Variants in MDN1 observed in about 807,000 individuals in gnomAD.
MDN1 encodes the protein midasin AAA ATPase 1, also known as midasin.
MDN1 carries 266 observed loss-of-function variants against 669.2 expected under a neutral mutation model. The observed-to-expected ratio is 0.40, with a 90% CI of 0.36 to 0.44. The LOEUF is 0.44. Among genes scored for constraint, MDN1 ranks in the 20% least tolerant of loss-of-function variants. MDN1 has a pLI of 1.00. For synonymous variants in MDN1, 2,385 were observed against 2,457.1 expected (o/e 0.97, Z 0.87); for missense variants, 5,940 against 6,754.0 (o/e 0.88, Z 4.22).
At chr6:89,813,443 T>C (rs1768585239) in intron 1 of MDN1, among the ~76,000 whole-genome samples, 1 of 149,252 alleles carries the variant, frequency 6.7e-6, no homozygotes. Flanking sequence ...CCCAGCTACT[T>C]GGGAGGCTGA....
intron 7 of MDN1, among the ~76,000 whole-genome samples, chr6:89,788,752 C>T (rs1206534459): frequency 6.6e-6 from 1 of 152,152 alleles, no homozygotes; most frequent in Non-Finnish European, 1.5e-5. Context: ...CCAAAAAGGA[C>T]ACTATTCAGG....
rs1415614662 is a variant in MDN1 at position 89,672,683 on chromosome 6, T to G, written c.13494A>C (p.Glu4498Asp). 7 of 1,613,860 alleles carry G rather than the reference T, an allele frequency of 4.3e-6. No individual in the cohort carries two copies. The highest frequency in any genetic ancestry group is 5.9e-6 in the Non-Finnish European group (7 of 1,180,000). ...GCTCTGAAAAATCTTCCACAAATCC[T>G]TCGTCCAACATTTGATTTCCTAGCA... ...DSQGGNQMLD[E>D]GFVEDFSEQM... Residue 4498 changes from glutamate to aspartate, a missense_variant, in exon 81 of 102, where the codon GAA (glutamate) becomes GAC (aspartate). Physicochemically the swap from Glu to Asp is conservative, Grantham distance 45. Transcript: ENST00000369393.
chr6:89,654,340 A>G lies in MDN1; in HGVS notation c.15491-6T>C. ...CTGTTCTTTGCTGGCCACATCTGTC[A>G]ACAAAGCACGCACCCACACATAAAA... On this transcript the variant is annotated splice_polypyrimidine_tract_variant and splice_region_variant and intron_variant, in intron 92 of 101. Coordinates refer to ENST00000369393, the MANE Select transcript of MDN1 (RefSeq NM_014611.3). 1.2e-6 allele frequency: 2 copies of G among 1,614,122 alleles called. No homozygotes were observed. The highest frequency in any genetic ancestry group is 1.1e-5 in the South Asian group (1 of 91,078).
In MDN1 at chr6:89,690,839, A is replaced by C. The variant is rs766509177; in HGVS notation, c.10588-5T>G. ...ATCCCACTCACTGATGATTTCCTGA[A>C]AGTCACACAGACAGAAAGAAGCTGA... is the stretch of plus-strand genomic sequence containing the variant. On this transcript the variant is annotated splice_region_variant and splice_polypyrimidine_tract_variant and intron_variant, in intron 63 of 101. Transcript: ENST00000369393. 3.1e-6 allele frequency: 5 copies of C among 1,613,600 alleles called. No individual in the cohort carries two copies. The South Asian group carries it at 4.4e-5, about 14-fold the overall frequency.
chr6:89,801,395 A>G (rs531898271), intron 2 of MDN1, among the ~76,000 whole-genome samples: 1 of 152,170 alleles, frequency 6.6e-6, no homozygotes, highest in Admixed American at 6.6e-5. Flanking sequence ...GCTTACACCT[A>G]TAATCCCAGC....
intron 40 of MDN1, among the ~76,000 whole-genome samples, chr6:89,722,086 C>T (rs567318365): frequency 6.6e-6 from 1 of 152,302 alleles, no homozygotes; most frequent in African/African-American, 2.4e-5. Context: ...CATGACAGCA[C>T]CTCCTGCCTA....
rs771938499 is a variant in MDN1 at position 89,655,888 on chromosome 6, C to T, written c.15366G>A (p.Arg5122=). 6 of 1,614,168 alleles carry T rather than the reference C, an allele frequency of 3.7e-6. No homozygotes were observed. The Admixed American group carries it at 8.3e-5, about 22-fold the overall frequency. ...CGGCATGGCTGTCCGTATCCACAGT[C>T]CTCAGCCTCTTGTGCACACGCTCAT... is the stretch of plus-strand genomic sequence containing the variant. ...DHNERVHKRL[R]TVDTDSHAEQ... Residue 5122 remains arginine (R), a synonymous_variant, in exon 92 of 102, where the codon AGG becomes AGA. Transcript: ENST00000369393.
rs1361701177 is a variant in MDN1 at position 89,643,155 on chromosome 6, G to C, written c.*850C>G. On this transcript the variant is annotated 3_prime_UTR_variant, in exon 102 of 102. Transcript: ENST00000369393. ...TTCTGGACACAGCGTTTCTTTCCCA[G>C]AATGAGACTGGCTCAGTCCAGCTTG... 2 of 151,998 alleles carry C rather than the reference G, an allele frequency of 1.3e-5. No individual in the cohort carries two copies. Among genetic ancestry groups the C allele is most frequent in the Non-Finnish European group, 1.5e-5 (1 of 68,010 alleles). The allele number at this position is 151,998 out of a possible 1,614,324, so 9.4% of individuals were successfully genotyped here.
Position 89,794,751 on chromosome 6 carries a change from A to G in MDN1, c.380T>C (p.Phe127Ser). 1.2e-6 allele frequency: 2 copies of G among 1,614,258 alleles called. No homozygotes were observed. Among genetic ancestry groups the G allele is most frequent in the Non-Finnish European group, 1.7e-6 (2 of 1,180,042 alleles). Reference sequence around the variant, plus strand: ...TGGATTAGCATCTGAACTCTCTAGGAAAAGTCTTTGAAAGACTGGGGATGT... The same window carrying G: ...TGGATTAGCATCTGAACTCTCTAGGGAAAGTCTTTGAAAGACTGGGGATGT... ...KDTSPVFQRLFLESSDANPVR... is the reference protein window; with the variant it reads ...KDTSPVFQRLSLESSDANPVR... Residue 127 changes from phenylalanine (F) to serine (S), a missense_variant, in exon 3 of 102, where the codon TTC (phenylalanine) becomes TCC (serine). Physicochemically the swap from Phe to Ser is radical, Grantham distance 155. Coordinates refer to ENST00000369393, the MANE Select transcript of MDN1 (RefSeq NM_014611.3).
chr6:89,781,340 G>T, intron 10 of MDN1, 59 bp downstream of exon 10: 1 of 1,539,032 alleles, frequency 6.5e-7, no homozygotes, highest in Non-Finnish European at 8.9e-7. Context: ...AACAGAGCAG[G>T]AATCTGTCTC....
chr6:89,675,635 A>G, intron 77 of MDN1, 56 bp from the exon 78 acceptor site: 5 of 1,452,990 alleles, frequency 3.4e-6, no homozygotes, highest in Non-Finnish European at 4.8e-6. Flanking sequence ...TCACCCACAG[A>G]TGTGCCTCTA....
intron 66 of MDN1, 27 bp downstream of exon 66, chr6:89,688,546 G>A (rs1429919049): frequency 6.3e-7 from 1 of 1,595,834 alleles, no homozygotes; most frequent in African/African-American, 1.3e-5. Flanking sequence ...AGTACTGTGA[G>A]CACTCCTTCC....
At chr6:89,725,469 A>G (rs1325639744) in intron 37 of MDN1, 73 bp from the exon 38 acceptor site, 1 of 1,231,198 alleles carries the variant, frequency 8.1e-7, no homozygotes, top group Non-Finnish European at 1.2e-6. Flanking sequence ...GGGGAATAAT[A>G]TGCAGCAAAT....
At chr6:89,752,623 C>G (rs942890022) in intron 22 of MDN1, among the ~76,000 whole-genome samples, 2 of 152,122 alleles carry the variant, frequency 1.3e-5, no homozygotes, top group African/African-American at 2.4e-5. Context: ...ACAGTGCCCC[C>G]ACTACTGCCT....
chr6:89,675,582 G>A lies in MDN1; in HGVS notation c.12646-3C>T, dbSNP rs1811126096. ...TCCACGTTGCCCATGCCCATTTCCT[G>A]GCAGAAGAAGGAAAAACATGCTGAA... On this transcript the variant is annotated splice_polypyrimidine_tract_variant and splice_region_variant and intron_variant, in intron 77 of 101. Coordinates refer to ENST00000369393, the MANE Select transcript of MDN1 (RefSeq NM_014611.3). The A allele has an allele frequency of 6.2e-7, 1 of 1,612,048 alleles. No homozygotes were observed. Among genetic ancestry groups the A allele is most frequent in the South Asian group, 1.1e-5 (1 of 90,906 alleles).
chr6:89,661,183 T>C (rs566910967), intron 88 of MDN1, among the ~76,000 whole-genome samples: 7 of 152,060 alleles, frequency 4.6e-5, no homozygotes, highest in African/African-American at 7.3e-5. Context: ...CACCAGGGCA[T>C]AGCAGTGCCA....
At chr6:89,798,703 A>T (rs1424374946) in intron 2 of MDN1, among the ~76,000 whole-genome samples, 1 of 152,244 alleles carries the variant, frequency 6.6e-6, no homozygotes, top group African/African-American at 2.4e-5. Context: ...AAAACCACTG[A>T]ACTGTACACT....
chr6:89,651,589 C>A (rs1022622904), intron 95 of MDN1, among the ~76,000 whole-genome samples: 3 of 151,980 alleles, frequency 2.0e-5, no homozygotes, highest in Non-Finnish European at 4.4e-5. Flanking sequence ...GCACTCCAGC[C>A]GGGGCAAGAG....
chr6:89,790,002 G>C, intron 6 of MDN1, 91 bp from the exon 7 acceptor site: 2 of 1,583,204 alleles, frequency 1.3e-6, no homozygotes, highest in Non-Finnish European at 1.7e-6. Context: ...TCTATAGGTA[G>C]GTGTAAGTAA....
Sources: allele counts gnomAD v4.1 joint callset (sites outside exome capture counted in the v4.1 genomes callset), GRCh38; gene constraint gnomAD v4.1.1; transcripts MANE v1.5; gene names NCBI Gene and HGNC (gene_info 2026-07-23, HGNC 2026-07-21).